Variants in MANBA observed in about 807,000 individuals in gnomAD.
MANBA encodes the protein beta-mannosidase.
A neutral mutation model predicts 111.1 loss-of-function variants in MANBA; 83 were observed. The observed-to-expected ratio is 0.75, with a 90% CI of 0.63 to 0.90. The LOEUF is 0.90. MANBA is among the 40% of genes least tolerant of loss of function. MANBA has a pLI of 0.00. For synonymous variants in MANBA, 370 were observed against 378.7 expected, an observed-to-expected ratio of 0.98 and a Z score of 0.27; for missense variants, 1,036 against 1,069.0, an observed-to-expected ratio of 0.97 and a Z score of 0.43.
chr4:102,673,981 T>C lies in MANBA; in HGVS notation c.1050A>G (p.Ile350Met). The part of the protein sequence containing the change: ...SFYFKINGFP[I>M]FLKGSNWIPA... ...GGATCCAGTTTGAGCCTTTTAGAAA[T>C]ATGGGAAATCCATTAATTTTGAAAT... The change falls in exon 8 of 17, where the codon ATA becomes ATG. Residue 350 changes from isoleucine to methionine, a missense_variant. Transcript: ENST00000647097. 1.2e-6 allele frequency: 2 copies of C among 1,609,534 alleles called. No homozygotes were observed. Among genetic ancestry groups the C allele is most frequent in the South Asian group, 1.1e-5 (1 of 90,974 alleles).
intron 1 of MANBA, chr4:102,752,663 T>C (rs1465107473): frequency 1.8e-6 from 1 of 542,640 alleles, no homozygotes; most frequent in Non-Finnish European, 3.7e-6. Context: ...AAATTGATCA[T>C]AGAGATTCTT....
intron 16 of MANBA, among the ~76,000 whole-genome samples, chr4:102,634,353 T>A (rs1411313283): frequency 6.6e-6 from 1 of 152,252 alleles, no homozygotes; most frequent in Non-Finnish European, 1.5e-5. Flanking sequence ...GCTTCCCAGC[T>A]ACAGGACCTC....
In MANBA at chr4:102,642,334, G is replaced by A. The variant is rs945359667; in HGVS notation, c.1870-2477C>T. Among the ~76,000 whole-genome samples the A allele has an allele frequency of 6.6e-5, 10 of 152,212 alleles. No homozygotes were observed. The South Asian group carries it at 8.3e-4, about 13-fold the overall frequency. On this transcript the variant is annotated intron_variant, in intron 13 of 16. Transcript: ENST00000647097. ...TAAAAATATGCCTATTTGGCTGGGC[G>A]CGATAGCTCATGCCTGTAATCCCAG...
intron 4 of MANBA, among the ~76,000 whole-genome samples, chr4:102,721,970 C>T (rs1349251629): frequency 7.2e-6 from 1 of 138,940 alleles, no homozygotes; most frequent in Non-Finnish European, 1.5e-5. Flanking sequence ...GTGGAGGCTG[C>T]GGTGAGTTGT....
chr4:102,686,452 G>A (rs1333135724), intron 7 of MANBA, among the ~76,000 whole-genome samples: 3 of 152,004 alleles, frequency 2.0e-5, no homozygotes, highest in Non-Finnish European at 4.4e-5. Flanking sequence ...ATTACCACCT[G>A]GTCTAAGCAT....
chr4:102,728,419 CA>C (rs1432943772), intron 1 of MANBA: 1 of 482,024 alleles, frequency 2.1e-6, no homozygotes, highest in African/African-American at 2.0e-5. Context: ...TTTCTAATTT[CA>C]TGAGTTTTTG....
intron 5 of MANBA, among the ~76,000 whole-genome samples, chr4:102,699,306 G>C (rs1417279277): frequency 1.3e-5 from 2 of 150,530 alleles, no homozygotes; most frequent in East Asian, 3.9e-4. Context: ...TCTGCAAACA[G>C]GGACAATTTG....
intron 1 of MANBA, chr4:102,734,724 G>C: frequency 1.4e-6 from 1 of 714,218 alleles, no homozygotes; most frequent in Non-Finnish European, 2.3e-6. Context: ...GGTCTGAGGA[G>C]GCTGTGACAC....
chr4:102,726,029 G>C (rs1722781323), intron 2 of MANBA, among the ~76,000 whole-genome samples: 1 of 151,732 alleles, frequency 6.6e-6, no homozygotes, highest in African/African-American at 2.4e-5. Context: ...CTGGAGCACA[G>C]CAGTAACTCC....
intron 11 of MANBA, among the ~76,000 whole-genome samples, chr4:102,658,159 C>G (rs1264312509): frequency 6.6e-6 from 1 of 152,182 alleles, no homozygotes; most frequent in Non-Finnish European, 1.5e-5. Flanking sequence ...CATGTTTTGC[C>G]TCCACTCTCA....
chr4:102,673,168 T>C (rs6851387), intron 8 of MANBA, among the ~76,000 whole-genome samples: 8,247 of 152,224 alleles, frequency 0.054, 731 homozygotes, highest in African/African-American at 0.18. Context: ...TTTAGTTCTT[T>C]TGTTGAGATA....
intron 14 of MANBA, 63 bp from the exon 15 acceptor site, chr4:102,636,070 T>C: frequency 6.9e-7 from 1 of 1,449,090 alleles, no homozygotes; most frequent in South Asian, 1.2e-5. Flanking sequence ...CACTGTCCAA[T>C]GGCCCAGCTG....
intron 5 of MANBA, among the ~76,000 whole-genome samples, chr4:102,702,516 G>A (rs183969746): frequency 1.1e-4 from 16 of 152,212 alleles, no homozygotes; most frequent in African/African-American, 3.9e-4. Context: ...TGATGATGGT[G>A]ATGTACAGAT....
intron 5 of MANBA, among the ~76,000 whole-genome samples, chr4:102,701,942 T>C (rs1028018210): frequency 6.6e-6 from 1 of 152,008 alleles, no homozygotes; most frequent in Admixed American, 6.5e-5. Context: ...CTGGATAATA[T>C]CCTGCAGAGT....
At chr4:102,752,565 T>G in intron 1 of MANBA, 1 of 668,962 alleles carries the variant, frequency 1.5e-6, no homozygotes, top group South Asian at 1.4e-5. Flanking sequence ...GACACAGGGC[T>G]ACTTTTCAGT....
chr4:102,706,497 G>T (rs1733302795), intron 5 of MANBA, among the ~76,000 whole-genome samples: 1 of 152,182 alleles, frequency 6.6e-6, no homozygotes, highest in Non-Finnish European at 1.5e-5. Flanking sequence ...ATTAGAAGAA[G>T]TGGTTGTTAT....
chr4:102,638,173 C>T (rs1326878788), intron 14 of MANBA, among the ~76,000 whole-genome samples: 2 of 151,998 alleles, frequency 1.3e-5, no homozygotes, highest in African/African-American at 2.4e-5. Context: ...CCTGTAATCC[C>T]AACACTTTGG....
At chr4:102,644,810 C>T (rs75640828) in intron 13 of MANBA, among the ~76,000 whole-genome samples, 2,071 of 152,154 alleles carry the variant, frequency 0.014, 63 homozygotes, top group African/African-American at 0.048. Flanking sequence ...ATATGTTTAA[C>T]AGCTTGAATT....
chr4:102,687,151 C>T (rs170564), intron 7 of MANBA, among the ~76,000 whole-genome samples: 90,845 of 151,758 alleles, frequency 0.6, 28,179 homozygotes, highest in South Asian at 0.79. Flanking sequence ...GGAACCATTC[C>T]TAACTCCTTC....
Sources: gnomAD v4.1 joint callset for allele counts (sites outside exome capture counted in the v4.1 genomes callset) on GRCh38, gnomAD v4.1.1 for gene constraint, MANE v1.5 for transcripts, NCBI Gene and HGNC (gene_info 2026-07-23, HGNC 2026-07-21) for gene names.